The following ATP8A2 variants were observed in gnomAD, a reference collection of about 807,000 sequenced individuals.
ATP8A2 encodes phospholipid-transporting ATPase IB.
Under a neutral mutation model 165.6 loss-of-function variants are expected in ATP8A2, and 100 were observed. The ratio of observed to expected loss-of-function variants is 0.60; its 90% CI spans 0.51 to 0.71. The LOEUF is 0.71. Among genes scored for constraint, ATP8A2 ranks in the 30% least tolerant of loss-of-function variants. The probability of loss-of-function intolerance (pLI) is 0.00; values close to 1 mark genes in which losing one functional copy is unlikely to be tolerated. For synonymous variants in ATP8A2, 543 were observed against 548.8 expected, an observed-to-expected ratio of 0.99 and a Z score of 0.15; for missense variants, 1,227 against 1,479.5, an observed-to-expected ratio of 0.83 and a Z score of 2.80.
chr13:25,969,976 G>T (rs76076262), intron 35 of ATP8A2, among the ~76,000 whole-genome samples: 2 of 151,980 alleles, frequency 1.3e-5, no homozygotes, highest in Admixed American at 6.5e-5. Flanking sequence ...GGGACCTACC[G>T]TGCTCTTTGA....
rs747620952 is a variant in ATP8A2, at chr13:25,578,490, C to T, written c.1783-325C>T. The stretch of plus-strand genomic sequence containing the variant: ...TTTACCCTTTCTCCTTCTGCGCAAA[C>T]GCCTGATAAACTTTGGGATATGAGT... On this transcript the variant is annotated intron_variant, in intron 20 of 36. Transcript: ENST00000381655. Among the ~76,000 whole-genome samples the T allele has an allele frequency of 1.9e-4, 29 of 152,192 alleles. 1 individual carries two copies. The highest frequency in any genetic ancestry group is 1.3e-4 in the Non-Finnish European group (9 of 68,032).
At chr13:25,838,961 TTAAAA>T (rs1361900675) in intron 29 of ATP8A2, among the ~76,000 whole-genome samples, 19 of 152,238 alleles carry the variant, frequency 1.2e-4, no homozygotes, top group African/African-American at 4.6e-4. Flanking sequence ...CCTTTAAACA[TTAAAA>T]TAAAGAGAAT....
intron 25 of ATP8A2, among the ~76,000 whole-genome samples, chr13:25,765,421 G>A (rs749305981): frequency 5.3e-5 from 8 of 152,136 alleles, no homozygotes; most frequent in African/African-American, 1.4e-4. Context: ...AGAAACAGCC[G>A]GCTTGTGCTT....
chr13:25,944,145 G>A (rs183159051), intron 33 of ATP8A2, among the ~76,000 whole-genome samples: 104 of 152,346 alleles, frequency 6.8e-4, no homozygotes, highest in Middle Eastern at 3.4e-3. Context: ...TTAAATGCTA[G>A]CAAATCATGA....
chr13:25,606,562 A>G (rs1175621019), intron 24 of ATP8A2, among the ~76,000 whole-genome samples: 1 of 152,214 alleles, frequency 6.6e-6, no homozygotes, highest in Non-Finnish European at 1.5e-5. Context: ...AATTTAAATT[A>G]TAAGCCTACT....
In ATP8A2 at chr13:25,378,857, T is replaced by C. The variant is rs376885151; in HGVS notation, c.76+6569T>C. Among the ~76,000 whole-genome samples the C allele has an allele frequency of 4.9e-4, 74 of 152,364 alleles. 2 individuals are homozygous for C. The South Asian group carries it at 0.015, about 31-fold the overall frequency. On this transcript the variant is annotated intron_variant, in intron 1 of 36. Transcript: ENST00000381655. Reference sequence around the variant, plus strand: ...AGCAAAGGAAGTGAGTCTGGTGCTGTGAGAACAAAGATAATAAAGGTAATT... The same window carrying C: ...AGCAAAGGAAGTGAGTCTGGTGCTGCGAGAACAAAGATAATAAAGGTAATT...
chr13:25,947,475 C>T (rs778513735), intron 33 of ATP8A2, among the ~76,000 whole-genome samples: 8 of 152,174 alleles, frequency 5.3e-5, no homozygotes, highest in Non-Finnish European at 1.0e-4. Flanking sequence ...TCATCAGTGA[C>T]AATGACTAGA....
intron 24 of ATP8A2, among the ~76,000 whole-genome samples, chr13:25,622,685 A>G (rs976347785): frequency 7.9e-5 from 12 of 152,180 alleles, no homozygotes; most frequent in Non-Finnish European, 1.5e-5. Context: ...CAGGCACACA[A>G]CACATAGTTT....
At chr13:25,889,959 G>A (rs1307555748) in intron 33 of ATP8A2, among the ~76,000 whole-genome samples, 3 of 151,978 alleles carry the variant, frequency 2.0e-5, no homozygotes, top group African/African-American at 7.3e-5. Context: ...TTAGGAGATC[G>A]AGACCATCCT....
chr13:25,465,558 ATT>A (rs35250359), intron 1 of ATP8A2, among the ~76,000 whole-genome samples: 6 of 140,452 alleles, frequency 4.3e-5, no homozygotes, highest in African/African-American at 1.0e-4. Flanking sequence ...TTTATCAGTG[ATT>A]TTTTTTTTTT....
At chr13:25,616,966 A>T (rs9943900) in intron 24 of ATP8A2, among the ~76,000 whole-genome samples, 18,368 of 152,236 alleles carry the variant, frequency 0.12, 1,426 homozygotes, top group Non-Finnish European at 0.18. Flanking sequence ...TAATTTAAGT[A>T]ATAACATAAA....
At chr13:25,784,102 TATG>T (rs1366306129) in intron 27 of ATP8A2, among the ~76,000 whole-genome samples, 1 of 152,196 alleles carries the variant, frequency 6.6e-6, no homozygotes, top group Admixed American at 6.5e-5. Flanking sequence ...ATGCTTTTTT[TATG>T]ATGTTTTTGC....
chr13:25,519,061 G>A (rs565799770), intron 2 of ATP8A2, among the ~76,000 whole-genome samples: 12 of 152,194 alleles, frequency 7.9e-5, no homozygotes, highest in Non-Finnish European at 1.2e-4. Context: ...CTCCACCTCC[G>A]TTTGCCCAAA....
intron 33 of ATP8A2, among the ~76,000 whole-genome samples, chr13:25,873,449 A>G (rs1952733454): frequency 6.6e-6 from 1 of 152,190 alleles, no homozygotes; most frequent in Non-Finnish European, 1.5e-5. Flanking sequence ...AATCCGTGCC[A>G]CTGAAAATAG....
chr13:25,405,541 C>T (rs2033775001), intron 1 of ATP8A2, among the ~76,000 whole-genome samples: 1 of 152,092 alleles, frequency 6.6e-6, no homozygotes, highest in Non-Finnish European at 1.5e-5. Context: ...TGGGGTACTC[C>T]CAGCGTGCTC....
chr13:25,978,827 C>G (rs764114155), intron 35 of ATP8A2, among the ~76,000 whole-genome samples: 8 of 152,086 alleles, frequency 5.3e-5, no homozygotes, highest in Non-Finnish European at 8.8e-5. Context: ...GTAGTCCCAG[C>G]TACTTGAGAG....
chr13:25,457,432 C>T (rs531890736), intron 1 of ATP8A2, among the ~76,000 whole-genome samples: 1 of 152,244 alleles, frequency 6.6e-6, no homozygotes, highest in Non-Finnish European at 1.5e-5. Context: ...ATTAATGATT[C>T]TTATAGTAAC....
At chr13:25,774,821 T>C in intron 26 of ATP8A2, 28 bp from the exon 27 acceptor site, 1 of 1,370,188 alleles carries the variant, frequency 7.3e-7, no homozygotes, top group African/African-American at 1.4e-5. Flanking sequence ...GATGGGCTCT[T>C]CTGAGCTTTG....
In ATP8A2 at chr13:25,808,894, A is replaced by G. The variant is rs567387046; in HGVS notation, c.2680-19224A>G. On this transcript the variant is annotated intron_variant, in intron 27 of 36. Transcript: ENST00000381655. ...TACTTGAGAAGCAAACTGGCAATCC[A>G]TATTTTCAGAGAGCTGAGAGGTTTT... Among the ~76,000 whole-genome samples the G allele has an allele frequency of 2.5e-3, 380 of 152,318 alleles. 1 individual carries two copies. Among genetic ancestry groups the G allele is most frequent in the African/African-American group, 8.7e-3 (360 of 41,572 alleles).
Sources: allele counts gnomAD v4.1 joint callset (sites outside exome capture counted in the v4.1 genomes callset), GRCh38; gene constraint gnomAD v4.1.1; transcripts MANE v1.5; gene names NCBI Gene and HGNC (gene_info 2026-07-23, HGNC 2026-07-21).